Variants in ARHGAP25 observed in about 807,000 individuals in gnomAD.
The protein encoded by ARHGAP25 is rho GTPase-activating protein 25.
In ARHGAP25, 34 loss-of-function variants were observed where a neutral mutation model predicts 71.0. The ratio of observed to expected loss-of-function variants is 0.48; its 90% CI spans 0.36 to 0.64. The LOEUF (loss-of-function observed/expected upper bound fraction) is 0.64. Ranked by LOEUF, ARHGAP25 falls within the 30% of genes least tolerant of loss-of-function variation. The pLI is 0.00. For synonymous variants in ARHGAP25, 282 were observed against 296.5 expected (o/e 0.95, Z 0.50); for missense variants, 706 against 805.1 (o/e 0.88, Z 1.49).
rs1478987898 is a variant in ARHGAP25, at chr2:68,819,195, A to G, written c.1076A>G (p.Asp359Gly). The G allele has an allele frequency of 6.2e-7, 1 of 1,613,828 alleles. No individual in the cohort carries two copies. The change falls in exon 9 of 11, where the codon GAT becomes GGT. Residue 359 changes from aspartate to glycine, a missense_variant. Coordinates refer to ENST00000409202, the MANE Select transcript of ARHGAP25 (RefSeq NM_001007231.3). ...GAAGTCCTCTTCCCCAAGTCCAAGG[A>G]TATACCCCTGTCACCCCCTGCCCAG... is the stretch of plus-strand genomic sequence containing the variant. ...DHEVLFPKSK[D>G]IPLSPPAQKN...
intron 1 of ARHGAP25, among the ~76,000 whole-genome samples, chr2:68,759,649 T>C (rs1676684374): frequency 1.3e-5 from 2 of 151,980 alleles, no homozygotes; most frequent in Non-Finnish European, 2.9e-5. Context: ...CAGTGTGTTC[T>C]ACCAAACGTC....
At chr2:68,825,424 A>G (rs749187163) in intron 10 of ARHGAP25, among the ~76,000 whole-genome samples, 25 of 152,158 alleles carry the variant, frequency 1.6e-4, no homozygotes, top group Non-Finnish European at 4.4e-5. Context: ...ACAAAACATT[A>G]AACGACATGA....
chr2:68,735,125 A>G lies in ARHGAP25; in HGVS notation c.-75A>G, dbSNP rs1675136651. On this transcript the variant is annotated 5_prime_UTR_variant, in exon 1 of 11. Coordinates refer to ENST00000409202, the MANE Select transcript of ARHGAP25 (RefSeq NM_001007231.3). Reference sequence around the variant, plus strand: ...AACAGACACAAAAACAGAGGGAAAGAGTGAAAAGACAAGAAGGGCGCAAAC... The same window carrying G: ...AACAGACACAAAAACAGAGGGAAAGGGTGAAAAGACAAGAAGGGCGCAAAC... 1 of 1,214,016 alleles carries G rather than the reference A, an allele frequency of 8.2e-7. No individual in the cohort carries two copies. Among genetic ancestry groups the G allele is most frequent in the Non-Finnish European group, 1.2e-6 (1 of 815,350 alleles). 75.2% of individuals were successfully genotyped at this position (1,214,016 alleles called of 1,614,324 possible). A position where few individuals can be genotyped will look rare whatever the true frequency, so the allele number is the denominator to read the frequency against.
intron 2 of ARHGAP25, among the ~76,000 whole-genome samples, chr2:68,777,105 C>A (rs1196993034): frequency 1.3e-5 from 2 of 152,066 alleles, no homozygotes; most frequent in Non-Finnish European, 2.9e-5. Context: ...TTATAAACAC[C>A]CCAGACCTTA....
At chr2:68,818,972 A>T (rs1207737853) in intron 8 of ARHGAP25, 151 bp from the exon 9 acceptor site, 1 of 616,112 alleles carries the variant, frequency 1.6e-6, no homozygotes, top group Non-Finnish European at 2.8e-6. Flanking sequence ...ACTCCAAGCA[A>T]TTAAAAAGGG....
intron 6 of ARHGAP25, among the ~76,000 whole-genome samples, chr2:68,815,627 T>G (rs1323882775): frequency 2.0e-5 from 3 of 152,012 alleles, no homozygotes; most frequent in Non-Finnish European, 4.4e-5. Context: ...GTGAATTGTG[T>G]ACTCTCACAA....
chr2:68,817,682 G>A (rs1681332968), intron 7 of ARHGAP25, among the ~76,000 whole-genome samples, 191 bp from the exon 8 acceptor site: 2 of 152,180 alleles, frequency 1.3e-5, no homozygotes, highest in African/African-American at 4.8e-5. Context: ...GGACCCTCCT[G>A]ATTTCTCTTC....
chr2:68,804,350 A>G (rs985207121), intron 4 of ARHGAP25, among the ~76,000 whole-genome samples: 7 of 152,188 alleles, frequency 4.6e-5, no homozygotes, highest in African/African-American at 1.7e-4. Flanking sequence ...TCCAAGAGAC[A>G]TCTGCCTCTC....
rs142663504 is a variant in ARHGAP25, at chr2:68,771,219, A to ATT, written c.62-4000_62-3999dup. 5.3e-3 allele frequency among the ~76,000 whole-genome samples: 811 copies of ATT among 152,206 alleles called. 5 individuals carry two copies. Among genetic ancestry groups the ATT allele is most frequent in the Admixed American group, 9.8e-3 (150 of 15,300 alleles). ...GGTTTCTAACCTTATTGAGGCCCTC[A>ATT]TTTCTCACTTGCCCCAAGGTGTTCT... On this transcript the variant is annotated intron_variant, in intron 1 of 10. Transcript: ENST00000409202.
chr2:68,796,184 G>T (rs1679526527), intron 4 of ARHGAP25, among the ~76,000 whole-genome samples: 1 of 151,974 alleles, frequency 6.6e-6, no homozygotes, highest in Non-Finnish European at 1.5e-5. Context: ...TTCCTGTTTG[G>T]ATTTTTAAAA....
rs143665378 is a variant in ARHGAP25 at position 68,822,597 on chromosome 2, G to A, written c.1458G>A (p.Thr486=). The change falls in exon 10 of 11, where the codon ACG becomes ACA. Residue 486 remains threonine, a synonymous_variant. Transcript: ENST00000409202. ...EAKAGEGHRR[T]MSQDLRQLSD... ...AGGCAGGGGAAGGGCACAGGAGAACGATGTCTCAAGACTTGCGCCAACTTT... is the reference window on the plus strand; with the variant it reads ...AGGCAGGGGAAGGGCACAGGAGAACAATGTCTCAAGACTTGCGCCAACTTT... 7.1e-4 allele frequency: 1,141 copies of A among 1,614,142 alleles called. 8 individuals carry two copies. The African/African-American group carries it at 0.011, about 16-fold the overall frequency.
At chr2:68,743,586 A>G (rs1269847749) in intron 1 of ARHGAP25, among the ~76,000 whole-genome samples, 1 of 152,142 alleles carries the variant, frequency 6.6e-6, no homozygotes, top group African/African-American at 2.4e-5. Context: ...CCAGAAATCC[A>G]CTTTATTAGT....
chr2:68,816,079 AACAAAAACTATGACCCTTT>A (rs758938544), intron 6 of ARHGAP25, 191 bp from the exon 7 acceptor site: 10 of 629,596 alleles, frequency 1.6e-5, no homozygotes, highest in Non-Finnish European at 2.9e-5. Context: ...AAGTATACAT[AACAAAAACTATGACCCTTT>A]TAAAAAAAAT....
At chr2:68,752,834 T>C (rs1369486565) in intron 1 of ARHGAP25, among the ~76,000 whole-genome samples, 1 of 152,114 alleles carries the variant, frequency 6.6e-6, no homozygotes, top group African/African-American at 2.4e-5. Context: ...CTTTAAAAAT[T>C]ACACACACAT....
chr2:68,823,701 C>T (rs1382380014), intron 10 of ARHGAP25, among the ~76,000 whole-genome samples: 1 of 152,098 alleles, frequency 6.6e-6, no homozygotes, highest in Non-Finnish European at 1.5e-5. Flanking sequence ...TAAGAAGCTT[C>T]GGGGTGGTTT....
chr2:68,754,302 TC>T (rs1295024792), intron 1 of ARHGAP25, among the ~76,000 whole-genome samples: 4 of 42,256 alleles, frequency 9.5e-5, no homozygotes, highest in African/African-American at 4.9e-4. Flanking sequence ...TGTTATCTGT[TC>T]CTATGCTTTT....
Position 68,826,326 on chromosome 2 carries a change from C to G in ARHGAP25, c.*132C>G. On this transcript the variant is annotated 3_prime_UTR_variant, in exon 11 of 11. Transcript: ENST00000409202. ...GACATTTGAGGGAAACATCAAATTT[C>G]CCCATAAATAAATGAATGGAGTTTG... is the stretch of plus-strand genomic sequence containing the variant. 2.3e-6 allele frequency: 2 copies of G among 877,250 alleles called. No individual in the cohort carries two copies. The highest frequency in any genetic ancestry group is 4.0e-5 in the Admixed American group (2 of 50,342). 54.3% of individuals were successfully genotyped at this position (877,250 alleles called of 1,614,324 possible).
At chr2:68,738,058 C>A (rs1477941941) in intron 1 of ARHGAP25, among the ~76,000 whole-genome samples, 1 of 152,096 alleles carries the variant, frequency 6.6e-6, no homozygotes, top group Non-Finnish European at 1.5e-5. Flanking sequence ...TTGATCCTGG[C>A]AGGAATAGGG....
At chr2:68,802,085 A>C (rs1486719926) in intron 4 of ARHGAP25, among the ~76,000 whole-genome samples, 1 of 152,136 alleles carries the variant, frequency 6.6e-6, no homozygotes. Context: ...CAGCAGTGGG[A>C]ATAGGGAGCT....
Sources: allele counts gnomAD v4.1 joint callset (sites outside exome capture counted in the v4.1 genomes callset), GRCh38; gene constraint gnomAD v4.1.1; transcripts MANE v1.5; gene names NCBI Gene and HGNC (gene_info 2026-07-23, HGNC 2026-07-21).